The following CEP43 variants were observed in gnomAD, a reference collection of about 807,000 sequenced individuals.
CEP43 encodes the protein FGFR1 oncogene partner.
CEP43 carries 36 observed loss-of-function variants against 52.6 expected under a neutral mutation model. That is an observed-to-expected ratio of 0.68 (90% confidence interval 0.52 to 0.90). CEP43 has a LOEUF of 0.90. Ranked by LOEUF, CEP43 falls within the 40% of genes least tolerant of loss-of-function variation. The pLI is 0.00. For synonymous variants in CEP43, 192 were observed against 172.4 expected, an observed-to-expected ratio of 1.11 and a Z score of -0.89; for missense variants, 506 against 472.8, an observed-to-expected ratio of 1.07 and a Z score of -0.65.
chr6:167,024,927 G>T, intron 9 of CEP43, 33 bp downstream of exon 9: 2 of 1,200,654 alleles, frequency 1.7e-6, no homozygotes, highest in South Asian at 2.6e-5. Flanking sequence ...TTCAATACTC[G>T]GGATATTTTT....
chr6:167,051,546 T>C lies in CEP43; in HGVS notation c.*11568T>C, dbSNP rs1227155148. ...AAGGCAGTTTCAAAATCTGAAACTT[T>C]TATTGTTAAATTATGTATTTATTCC... On this transcript the variant is annotated 3_prime_UTR_variant, in exon 13 of 13. Transcript: ENST00000366847. 2 of 152,242 alleles carry C rather than the reference T, an allele frequency of 1.3e-5. No individual in the cohort carries two copies. The highest frequency in any genetic ancestry group is 6.5e-5 in the Admixed American group (1 of 15,290). 9.4% of individuals were successfully genotyped at this position (152,242 alleles called of 1,614,324 possible).
intron 10 of CEP43, among the ~76,000 whole-genome samples, chr6:167,031,874 T>C (rs1780478375): frequency 6.6e-6 from 1 of 152,206 alleles, no homozygotes; most frequent in African/African-American, 2.4e-5. Flanking sequence ...GATCTGAAGG[T>C]GCCCCCTCTG....
In CEP43 at chr6:167,016,999, T is replaced by TA. The variant is rs1562527259; in HGVS notation, c.579+3432_579+3433insA. Among the ~76,000 whole-genome samples, 836 of 150,568 alleles carry TA rather than the reference T, an allele frequency of 5.6e-3. 8 individuals carry two copies. The highest frequency in any genetic ancestry group is 0.02 in the African/African-American group (804 of 40,880). ...TATTTATTATTTATTTATTTTTTTT[T>TA]TTTTTTATTTTTTTGAGATGGAGTC... is the stretch of plus-strand genomic sequence containing the variant. On this transcript the variant is annotated intron_variant, in intron 7 of 12. Coordinates refer to ENST00000366847, the MANE Select transcript of CEP43 (RefSeq NM_007045.4).
intron 3 of CEP43, 133 bp downstream of exon 3, chr6:167,003,380 T>G: frequency 1.9e-6 from 1 of 539,640 alleles, no homozygotes; most frequent in Non-Finnish European, 3.2e-6. Context: ...AAAATAATAT[T>G]TTATTGTACA....
chr6:167,020,125 A>G (rs937328750), intron 7 of CEP43, among the ~76,000 whole-genome samples: 1 of 152,264 alleles, frequency 6.6e-6, no homozygotes, highest in Non-Finnish European at 1.5e-5. Context: ...ATATTTTTCT[A>G]TATTTGATAA....
chr6:167,031,650 A>AT (rs1198753933), intron 10 of CEP43, among the ~76,000 whole-genome samples: 3 of 152,216 alleles, frequency 2.0e-5, no homozygotes. Flanking sequence ...GCTCTCTGTC[A>AT]TGCCAGGTCT....
chr6:167,000,076 C>T lies in CEP43; in HGVS notation c.119C>T (p.Ala40Val), dbSNP rs1429927464. 4 of 1,612,828 alleles carry T rather than the reference C, an allele frequency of 2.5e-6. No individual in the cohort carries two copies. The highest frequency in any genetic ancestry group is 2.5e-6 in the Non-Finnish European group (3 of 1,179,222). ...LNRIKAELRA[A>V]VFLALEEQEK... ...TTTTTTAAGGCTGAACTCCGAGCAGCTGTGTTTTTAGCACTAGAGGAGCAA... is the reference window on the plus strand; with the variant it reads ...TTTTTTAAGGCTGAACTCCGAGCAGTTGTGTTTTTAGCACTAGAGGAGCAA... Residue 40 changes from alanine (A) to valine (V), a missense_variant, in exon 2 of 13, where the codon GCT becomes GTT. Physicochemically the swap from Ala to Val is moderately conservative, Grantham distance 64. Transcript: ENST00000366847.
At chr6:167,033,325 G>A (rs1334508333) in intron 11 of CEP43, among the ~76,000 whole-genome samples, 1 of 151,768 alleles carries the variant, frequency 6.6e-6, no homozygotes, top group African/African-American at 2.4e-5. Context: ...TGGCCAGGCT[G>A]GTCTCGAACT....
intron 8 of CEP43, among the ~76,000 whole-genome samples, chr6:167,023,475 A>T (rs566537371): frequency 6.6e-6 from 1 of 152,368 alleles, no homozygotes; most frequent in South Asian, 2.1e-4. Context: ...TGGATTACAC[A>T]GACAGGTGGC....
At position 167,004,038 on chromosome 6, in the gene CEP43, G is replaced by A. The variant is rs1357694295; in HGVS notation, c.301-226G>A. 5 of 593,414 alleles carry A rather than the reference G, an allele frequency of 8.4e-6. No homozygotes were observed. In the African/African-American group the frequency reaches 9.3e-5, roughly 11 times the overall value. 36.8% of individuals were successfully genotyped at this position (593,414 alleles called of 1,614,324 possible). On this transcript the variant is annotated intron_variant, in intron 4 of 12. Transcript: ENST00000366847. ...GCTTGCTAATAAAAGTGTTACTATA[G>A]AGTTAATTTTGATACGATGTTAGAG...
chr6:167,026,201 A>G (rs1780352258), intron 9 of CEP43, among the ~76,000 whole-genome samples: 1 of 152,168 alleles, frequency 6.6e-6, no homozygotes, highest in Non-Finnish European at 1.5e-5. Flanking sequence ...TGTCTCTACT[A>G]AAAATACAAA....
In CEP43 at chr6:167,026,594, A is replaced by G. The variant is rs765053714; in HGVS notation, c.967A>G (p.Lys323Glu). ...VLKDLKLISDKIGSLGLGTGE... is the reference protein window; with the variant it reads ...VLKDLKLISDEIGSLGLGTGE... ...GAAAGATCTGAAATTGATCAGTGAT[A>G]AAATTGGATCACTTGGATTAGGTAA... is the stretch of plus-strand genomic sequence containing the variant. Residue 323 changes from lysine to glutamate, a missense_variant, in exon 10 of 13, where the codon AAA becomes GAA. Lys to Glu is a moderately conservative substitution (Grantham distance 56). Coordinates refer to ENST00000366847, the MANE Select transcript of CEP43 (RefSeq NM_007045.4). The G allele has an allele frequency of 4.4e-6, 7 of 1,595,414 alleles. No individual in the cohort carries two copies. The highest frequency in any genetic ancestry group is 1.3e-5 in the African/African-American group (1 of 74,582).
intron 10 of CEP43, among the ~76,000 whole-genome samples, chr6:167,031,826 C>T (rs999864177): frequency 3.3e-5 from 5 of 152,320 alleles, no homozygotes; most frequent in African/African-American, 9.6e-5. Flanking sequence ...GAGGGAAGGG[C>T]TGCTGATTTG....
At chr6:167,009,898 AC>A (rs1202474581) in intron 5 of CEP43, among the ~76,000 whole-genome samples, 1 of 152,176 alleles carries the variant, frequency 6.6e-6, no homozygotes, top group African/African-American at 2.4e-5. Context: ...TTGAGAATCA[AC>A]AAGACTTGGT....
chr6:167,046,442 C>T lies in CEP43; in HGVS notation c.*6464C>T, dbSNP rs1468917480. On this transcript the variant is annotated 3_prime_UTR_variant, in exon 13 of 13. Transcript: ENST00000366847. The stretch of plus-strand genomic sequence containing the variant: ...AAGAAAGCCATTTGTTCCTGCAAAC[C>T]TAAACCTCTTTGTAGTAAGTTCTGG... 2 of 152,220 alleles carry T rather than the reference C, an allele frequency of 1.3e-5. No homozygotes were observed. The highest frequency in any genetic ancestry group is 4.8e-5 in the African/African-American group (2 of 41,444). 9.4% of individuals were successfully genotyped at this position (152,220 alleles called of 1,614,324 possible).
chr6:167,018,397 G>A lies in CEP43; in HGVS notation c.580-4012G>A, dbSNP rs145238249. Among the ~76,000 whole-genome samples, 598 of 152,074 alleles carry A rather than the reference G, an allele frequency of 3.9e-3. 5 individuals are homozygous for A. Among genetic ancestry groups the A allele is most frequent in the Non-Finnish European group, 6.7e-3 (457 of 67,960 alleles). On this transcript the variant is annotated intron_variant, in intron 7 of 12. Transcript: ENST00000366847. ...ATTGCCATGGTATGTGTGTGTGTGT[G>A]TATTTTTTTTTGAGACGGATTCTCG...
chr6:167,030,902 A>T (rs1450855842), intron 10 of CEP43, among the ~76,000 whole-genome samples: 1 of 148,666 alleles, frequency 6.7e-6, no homozygotes, highest in African/African-American at 2.5e-5. Context: ...TCAGGCTAAG[A>T]TCCTTATTGC....
intron 7 of CEP43, 29 bp downstream of exon 7, chr6:167,013,596 G>T (rs764924584): frequency 1.2e-5 from 20 of 1,600,794 alleles, no homozygotes; most frequent in Non-Finnish European, 1.5e-5. Flanking sequence ...GAGGAGAAAA[G>T]CAGCCTGTGG....
rs976676651 is a variant in CEP43 at position 167,041,709 on chromosome 6, A to G, written c.*1731A>G. 6.8e-6 allele frequency: 7 copies of G among 1,036,916 alleles called. No homozygotes were observed. In the African/African-American group the frequency reaches 1.0e-4, roughly 15 times the overall value. The allele number at this position is 1,036,916 out of a possible 1,614,324, so 64.2% of individuals were successfully genotyped here. Reference sequence around the variant, plus strand: ...TTTATGAAACTTTCGAACAGTAGCAACTGAAATTTGTCACTTTTCTGTTAC... The same window carrying G: ...TTTATGAAACTTTCGAACAGTAGCAGCTGAAATTTGTCACTTTTCTGTTAC... On this transcript the variant is annotated 3_prime_UTR_variant, in exon 13 of 13. Coordinates refer to ENST00000366847, the MANE Select transcript of CEP43 (RefSeq NM_007045.4).
Sources: gnomAD v4.1 joint callset for allele counts (sites outside exome capture counted in the v4.1 genomes callset) on GRCh38, gnomAD v4.1.1 for gene constraint, MANE v1.5 for transcripts, NCBI Gene and HGNC (gene_info 2026-07-23, HGNC 2026-07-21) for gene names.